RGS6: variants seen among roughly 807,000 people sequenced by gnomAD.
RGS6 encodes regulator of G protein signaling 6.
A neutral mutation model predicts 78.5 loss-of-function variants in RGS6; 30 were observed. The ratio of observed to expected loss-of-function variants is 0.38; its 90% CI spans 0.29 to 0.52. The LOEUF is 0.52. Among genes scored for constraint, RGS6 ranks in the 20% least tolerant of loss-of-function variants. RGS6 has a pLI of 0.85. For synonymous variants in RGS6, 206 were observed against 206.0 expected (o/e 1.00, Z 0.00); for missense variants, 495 against 609.7 (o/e 0.81, Z 1.98).
intron 3 of RGS6, among the ~76,000 whole-genome samples, chr14:72,430,189 T>C (rs1166638901): frequency 6.6e-6 from 1 of 152,212 alleles, no homozygotes; most frequent in South Asian, 2.1e-4. Flanking sequence ...GATCCATATA[T>C]GCAGACAGCC....
intron 13 of RGS6, among the ~76,000 whole-genome samples, chr14:72,499,380 T>G (rs1203825965): frequency 6.6e-6 from 1 of 152,188 alleles, no homozygotes; most frequent in Non-Finnish European, 1.5e-5. Flanking sequence ...ACCTGATCCA[T>G]GTTCCTGAGT....
intron 2 of RGS6, among the ~76,000 whole-genome samples, chr14:72,077,111 G>C (rs1360106493): frequency 6.6e-6 from 1 of 151,572 alleles, no homozygotes; most frequent in Admixed American, 6.6e-5. Context: ...GCCAACACTG[G>C]TTATTTATAA....
intron 2 of RGS6, among the ~76,000 whole-genome samples, chr14:71,994,173 C>A (rs902085708): frequency 2.0e-5 from 3 of 151,998 alleles, no homozygotes; most frequent in Non-Finnish European, 4.4e-5. Context: ...CTTTGTTTAG[C>A]CTGTTCCGTC....
At chr14:72,053,807 A>G (rs1463959194) in intron 2 of RGS6, among the ~76,000 whole-genome samples, 2 of 152,258 alleles carry the variant, frequency 1.3e-5, no homozygotes, top group Non-Finnish European at 2.9e-5. Flanking sequence ...AGACTGGCTG[A>G]GTCAAATGCT....
At chr14:72,065,872 C>T (rs998715554) in intron 2 of RGS6, among the ~76,000 whole-genome samples, 2 of 151,934 alleles carry the variant, frequency 1.3e-5, no homozygotes, top group African/African-American at 2.4e-5. Context: ...GCTGCACCCA[C>T]TAACTCATCA....
chr14:72,474,548 C>A, intron 9 of RGS6, 77 bp from the exon 10 acceptor site: 1 of 1,322,816 alleles, frequency 7.6e-7, no homozygotes, highest in South Asian at 1.3e-5. Flanking sequence ...AAGATTGGTC[C>A]TGATGGTGTG....
chr14:72,263,348 C>A (rs1331939967), intron 2 of RGS6, among the ~76,000 whole-genome samples: 1 of 152,100 alleles, frequency 6.6e-6, no homozygotes, highest in Non-Finnish European at 1.5e-5. Flanking sequence ...GCTGGTGTTT[C>A]TCTGCAGACT....
intron 2 of RGS6, among the ~76,000 whole-genome samples, chr14:72,220,666 A>G (rs1304218033): frequency 2.0e-5 from 3 of 152,188 alleles, no homozygotes; most frequent in African/African-American, 7.2e-5. Context: ...AATCTTAAGG[A>G]AAGAAAAATA....
intron 2 of RGS6, among the ~76,000 whole-genome samples, chr14:72,074,337 A>T (rs540110171): frequency 2.0e-5 from 3 of 152,210 alleles, no homozygotes; most frequent in Admixed American, 6.5e-5. Context: ...CTGGGACTAT[A>T]GGTGCTTGCC....
At chr14:72,057,709 G>C (rs1283189090) in intron 2 of RGS6, among the ~76,000 whole-genome samples, 1 of 152,126 alleles carries the variant, frequency 6.6e-6, no homozygotes, top group Non-Finnish European at 1.5e-5. Flanking sequence ...TAACTTAATT[G>C]TAGGGCCTTT....
chr14:72,007,144 G>A (rs1478039610), intron 2 of RGS6, among the ~76,000 whole-genome samples: 2 of 102,386 alleles, frequency 2.0e-5, no homozygotes, highest in Non-Finnish European at 4.3e-5. Context: ...TGCTGAAAGT[G>A]CTTTCTGATT....
At chr14:72,314,000 TC>T (rs1249364307) in intron 2 of RGS6, among the ~76,000 whole-genome samples, 12 of 152,332 alleles carry the variant, frequency 7.9e-5, no homozygotes, top group African/African-American at 2.6e-4. Flanking sequence ...CTGAACTTCA[TC>T]AACTAAATAT....
rs1411306581 is a variant in RGS6, at chr14:72,263,130, C to T, written c.85-88965C>T. 3.3e-5 allele frequency among the ~76,000 whole-genome samples: 5 copies of T among 152,166 alleles called. No individual in the cohort carries two copies. The East Asian group carries it at 9.6e-4, about 29-fold the overall frequency. ...TGGGAGAGGACCAAATGAAAGATTC[C>T]AGGCAGATCAAACTGTAAGGCATGT... On this transcript the variant is annotated intron_variant, in intron 2 of 17. Coordinates refer to ENST00000553525, the MANE Select transcript of RGS6 (RefSeq NM_001204424.2).
At chr14:72,511,447 A>G (rs2096876696) in intron 14 of RGS6, among the ~76,000 whole-genome samples, 1 of 152,252 alleles carries the variant, frequency 6.6e-6, no homozygotes, top group Non-Finnish European at 1.5e-5. Context: ...CTGCTGAGAG[A>G]TGCAAGTCAA....
At chr14:72,056,435 G>A (rs1364704181) in intron 2 of RGS6, among the ~76,000 whole-genome samples, 3 of 152,116 alleles carry the variant, frequency 2.0e-5, no homozygotes, top group Non-Finnish European at 4.4e-5. Context: ...AATCCACCTC[G>A]TACCTGTGAG....
intron 2 of RGS6, among the ~76,000 whole-genome samples, chr14:72,238,488 T>A (rs1021277220): frequency 2.6e-5 from 4 of 152,196 alleles, no homozygotes; most frequent in Admixed American, 2.0e-4. Flanking sequence ...CCCCAAGCAT[T>A]GCTCTGTGCC....
At chr14:72,354,344 G>A (rs2079775602) in intron 3 of RGS6, among the ~76,000 whole-genome samples, 1 of 151,892 alleles carries the variant, frequency 6.6e-6, no homozygotes, top group East Asian at 1.9e-4. Context: ...CTAGATAGGG[G>A]GCCGGGTGCC....
At chr14:72,081,179 A>G (rs756733658) in intron 2 of RGS6, among the ~76,000 whole-genome samples, 2 of 151,988 alleles carry the variant, frequency 1.3e-5, no homozygotes, top group South Asian at 4.1e-4. Flanking sequence ...TGTGTCTTCA[A>G]GTTCATTCAT....
chr14:72,339,212 A>G (rs1335196094), intron 2 of RGS6, among the ~76,000 whole-genome samples: 1 of 152,096 alleles, frequency 6.6e-6, no homozygotes, highest in African/African-American at 2.4e-5. Context: ...TTAGGTCATT[A>G]GTGTTCTACC....
Sources: allele counts gnomAD v4.1 joint callset (sites outside exome capture counted in the v4.1 genomes callset), GRCh38; gene constraint gnomAD v4.1.1; transcripts MANE v1.5; gene names NCBI Gene and HGNC (gene_info 2026-07-23, HGNC 2026-07-21).